MED23: variants seen among roughly 807,000 people sequenced by gnomAD.
MED23 encodes mediator complex subunit 23, also known as mediator of RNA polymerase II transcription subunit 23.
MED23 carries 105 observed loss-of-function variants against 163.9 expected under a neutral mutation model. The observed-to-expected ratio is 0.64, with a 90% CI of 0.55 to 0.75. The LOEUF (loss-of-function observed/expected upper bound fraction) is 0.75, where lower values mean the gene tolerates loss of function less well. MED23 is among the 30% of genes least tolerant of loss of function. The pLI, the probability that MED23 is intolerant of heterozygous loss-of-function variation, is 0.00. For missense variants in MED23, 1,054 were observed against 1,649.0 expected (o/e 0.64, Z 6.25); for synonymous variants, 561 against 565.6 (o/e 0.99, Z 0.12).
Position 131,621,966 on chromosome 6 carries a change from A to G in MED23, c.410T>C (p.Leu137Pro). ...AATCTTCTCCAAAATCACTTTTAAG[A>G]GATCTCGAACACCCTGATATAAGAA... ...GGVDYKGVRD[L>P]LKVILEKILT... The change falls in exon 6 of 29, where the codon CTC becomes CCC. Residue 137 changes from leucine to proline, a missense_variant. By Grantham distance (98) the Leu-to-Pro change is moderately conservative. Around this residue, in one of 11 missense-constraint regions of MED23, gnomAD observed 227 missense variants for 235.5 expected, o/e 0.96. Transcript: ENST00000368068. The G allele has an allele frequency of 6.2e-7, 1 of 1,612,940 alleles. No homozygotes were observed. Among genetic ancestry groups the G allele is most frequent in the Non-Finnish European group, 8.5e-7 (1 of 1,178,962 alleles).
chr6:131,627,581 A>C, intron 2 of MED23, 60 bp downstream of exon 2: 2 of 1,602,978 alleles, frequency 1.2e-6, no homozygotes, highest in Non-Finnish European at 1.7e-6. Context: ...CACGAAACTA[A>C]GTAAAATCTG....
In MED23 at chr6:131,574,346, G is replaced by A. The variant is rs377253372; in HGVS notation, c.4096-51C>T. ...GAGGTTAGAGGCCCAAACTGCATTT[G>A]GACTGTCAGTAAATACTACTTTGCT... On this transcript the variant is annotated intron_variant, in intron 30 of 30. Coordinates refer to the MED23 transcript ENST00000354577. The A allele has an allele frequency of 4.3e-6, 7 of 1,609,752 alleles. No homozygotes were observed. In the African/African-American group the frequency reaches 9.4e-5, roughly 22 times the overall value.
chr6:131,620,921 G>A (rs933001643), intron 6 of MED23, among the ~76,000 whole-genome samples, 192 bp from the exon 7 acceptor site: 2 of 151,736 alleles, frequency 1.3e-5, no homozygotes, highest in African/African-American at 4.8e-5. Context: ...TCCCACCTCA[G>A]CCTCCAGAGT....
chr6:131,609,425 A>T (rs1172937370), intron 11 of MED23, among the ~76,000 whole-genome samples: 1 of 151,596 alleles, frequency 6.6e-6, no homozygotes, highest in Non-Finnish European at 1.5e-5. Context: ...TTCTCTCAGC[A>T]AGTTTCTATT....
intron 3 of MED23, 23 bp from the exon 4 acceptor site, chr6:131,625,012 T>C (rs772721767): frequency 6.2e-7 from 1 of 1,612,362 alleles, no homozygotes; most frequent in East Asian, 2.2e-5. Context: ...AGAATGATTT[T>C]ACTTGGGGTC....
chr6:131,581,170 G>C (rs963003673), intron 30 of MED23: 2 of 1,581,524 alleles, frequency 1.3e-6, no homozygotes, highest in Non-Finnish European at 1.7e-6. Flanking sequence ...TATGATGTAT[G>C]TAGTGACACT....
At chr6:131,578,294 G>A (rs563536870) in intron 30 of MED23, among the ~76,000 whole-genome samples, 2 of 152,038 alleles carry the variant, frequency 1.3e-5, no homozygotes, top group South Asian at 4.2e-4. Context: ...TGTTGTATCA[G>A]GTGAAATTTC....
intron 11 of MED23, 41 bp downstream of exon 11, chr6:131,610,004 TC>T (rs1776162572): frequency 2.5e-6 from 4 of 1,571,036 alleles, no homozygotes; most frequent in Non-Finnish European, 3.5e-6. Flanking sequence ...AATACAGTAA[TC>T]AACAGGTGAA....
At chr6:131,596,772 A>G (rs540373349) in intron 20 of MED23, 84 bp from the exon 21 acceptor site, 3 of 1,289,404 alleles carry the variant, frequency 2.3e-6, no homozygotes, top group Non-Finnish European at 3.3e-6. Context: ...AGATTTTAAC[A>G]AAGTAAAATC....
At chr6:131,594,374 G>T (rs1254962173) in intron 22 of MED23, 39 bp from the exon 23 acceptor site, 5 of 1,447,660 alleles carry the variant, frequency 3.5e-6, no homozygotes, top group African/African-American at 2.8e-5. Flanking sequence ...TGTTTAACTG[G>T]TTACTAATAA....
intron 17 of MED23, among the ~76,000 whole-genome samples, chr6:131,600,891 G>A (rs1303982397): frequency 6.6e-6 from 1 of 152,170 alleles, no homozygotes; most frequent in Non-Finnish European, 1.5e-5. Context: ...TGAAAGAAAA[G>A]TGCCAGTGTC....
chr6:131,591,618 A>C, intron 25 of MED23, 91 bp from the exon 26 acceptor site: 1 of 1,045,084 alleles, frequency 9.6e-7, no homozygotes, highest in Non-Finnish European at 1.4e-6. Context: ...CATTCTTTAA[A>C]GTTTTCTATT....
At chr6:131,603,658 A>G in intron 15 of MED23, among the ~76,000 whole-genome samples, 1 of 152,252 alleles carries the variant, frequency 6.6e-6, no homozygotes, top group Admixed American at 6.5e-5. Context: ...TGTGGTTAAA[A>G]TTAAGACTAT....
intron 4 of MED23, among the ~76,000 whole-genome samples, 181 bp from the exon 5 acceptor site, chr6:131,623,643 T>C (rs1777275915): frequency 6.6e-6 from 1 of 152,178 alleles, no homozygotes; most frequent in South Asian, 2.1e-4. Context: ...CCAATACTGT[T>C]CTCATGATAG....
rs1183286970 is a variant in MED23, at chr6:131,596,615, T to C, written c.2681A>G (p.Asn894Ser). 3.1e-6 allele frequency: 5 copies of C among 1,614,178 alleles called. No individual in the cohort carries two copies. The highest frequency in any genetic ancestry group is 4.2e-6 in the Non-Finnish European group (5 of 1,180,012). The change falls in exon 21 of 29, where the codon AAC becomes AGC. Residue 894 changes from asparagine to serine, a missense_variant. By Grantham distance (46) the Asn-to-Ser change is conservative. Around this residue, in one of 11 missense-constraint regions of MED23, gnomAD observed 228 missense variants for 461.3 expected, o/e 0.49. Transcript: ENST00000368068. ...GTCACTTACTCGATTTCTAAAATCG[T>C]TTGGTTTGAGTAACAGCAACTGAAT... ...FIIQLLLLKP[N>S]DFRNRVSDFV...
At chr6:131,625,050 T>C (rs1777385147) in intron 3 of MED23, 61 bp from the exon 4 acceptor site, 1 of 1,509,654 alleles carries the variant, frequency 6.6e-7, no homozygotes, top group East Asian at 2.3e-5. Context: ...AACCAATAGC[T>C]AATACTACAA....
In MED23 at chr6:131,600,154, TA is replaced by T. The variant is rs1419084791; in HGVS notation, c.2103del (p.Phe701LeufsTer20). On this transcript the variant is annotated frameshift_variant, in exon 18 of 29. Coordinates refer to ENST00000368068, the MANE Select transcript of MED23 (RefSeq NM_004830.4). LOFTEE classifies it high-confidence loss of function. ...LARATHVTDF[F>X]TGSDSIQGTW... ...GTTCCCTGAATTGAATCAGAGCCTGTAAAAAAATCTAAACATAAACAAATAG... is the reference window on the plus strand; with the variant it reads ...GTTCCCTGAATTGAATCAGAGCCTGTAAAAAATCTAAACATAAACAAATAG... The T allele has an allele frequency of 1.9e-6, 3 of 1,606,396 alleles. No individual in the cohort carries two copies. The highest frequency in any genetic ancestry group is 2.6e-6 in the Non-Finnish European group (3 of 1,173,116).
chr6:131,617,770 A>G (rs1776798518), intron 9 of MED23, among the ~76,000 whole-genome samples: 2 of 152,208 alleles, frequency 1.3e-5, no homozygotes, highest in East Asian at 1.9e-4. Context: ...AGTCAGCAAG[A>G]CTGCTCACTA....
chr6:131,604,221 CA>C lies in MED23; in HGVS notation c.1712del (p.Leu571TrpfsTer6), dbSNP rs1775690895. The C allele has an allele frequency of 6.6e-7, 1 of 1,524,976 alleles. No homozygotes were observed. The highest frequency in any genetic ancestry group is 9.0e-7 in the Non-Finnish European group (1 of 1,107,848). 94.5% of individuals were successfully genotyped at this position (1,524,976 alleles called of 1,614,324 possible). The part of the protein sequence containing the change: ...PALVETYSRL[L>X]VYMEIESLGI... ...CCAAAGACTCTATTTCCATATAGACCAATAAACGACTGTAAGTTTCCACTAG... is the reference window on the plus strand; with the variant it reads ...CCAAAGACTCTATTTCCATATAGACCATAAACGACTGTAAGTTTCCACTAG... On this transcript the variant is annotated frameshift_variant, in exon 15 of 29. Coordinates refer to ENST00000368068, the MANE Select transcript of MED23 (RefSeq NM_004830.4). LOFTEE classifies it high-confidence loss of function.
Sources: gnomAD v4.1 joint callset for allele counts (sites outside exome capture counted in the v4.1 genomes callset) on GRCh38, gnomAD v4.1.1 for gene constraint, gnomAD v4.1.1 regional missense constraint, MANE v1.5 for transcripts, NCBI Gene and HGNC (gene_info 2026-07-23, HGNC 2026-07-21) for gene names.